SLC26A11: variants seen among roughly 807,000 people sequenced by gnomAD.
SLC26A11 encodes the protein solute carrier family 26 member 11.
In SLC26A11, 58 loss-of-function variants were observed where a neutral mutation model predicts 62.2. The ratio of observed to expected loss-of-function variants is 0.93; its 90% CI spans 0.76 to 1.16. The LOEUF (loss-of-function observed/expected upper bound fraction) is 1.16. Ranked by LOEUF, SLC26A11 falls within the 50% of genes most tolerant of loss-of-function variation. The pLI is 0.00. For synonymous variants in SLC26A11, 411 were observed against 368.9 expected, an observed-to-expected ratio of 1.11 and a Z score of -1.31; for missense variants, 790 against 794.3, an observed-to-expected ratio of 0.99 and a Z score of 0.06.
At chr17:80,230,168 C>G (rs1228117214) in intron 7 of SLC26A11, among the ~76,000 whole-genome samples, 1 of 148,522 alleles carries the variant, frequency 6.7e-6, no homozygotes. Context: ...GCACTCCAGC[C>G]TGGCAACAGA....
At position 80,246,425 on chromosome 17, in the gene SLC26A11, G is replaced by C. The variant is rs2042998454; in HGVS notation, c.1154-84G>C. ...CCTACCCCCACCCCTGTCCCCAGTG[G>C]GCTCTGCTGAACAAGAGGCTGCTAC... On this transcript the variant is annotated intron_variant, in intron 12 of 17. Transcript: ENST00000361193. The surrounding 1 kb of genome is among the most constrained non-coding windows in gnomAD (Gnocchi z 4.4). 4 of 1,570,918 alleles carry C rather than the reference G, an allele frequency of 2.5e-6. No homozygotes were observed. The highest frequency in any genetic ancestry group is 1.7e-5 in the Admixed American group (1 of 58,138).
chr17:80,251,491 A>C, intron 17 of SLC26A11, 90 bp downstream of exon 17: 1 of 1,527,280 alleles, frequency 6.5e-7, no homozygotes, highest in Non-Finnish European at 8.9e-7. Flanking sequence ...AGCTGGGCAC[A>C]GTGGCTCATG....
At position 80,223,174 on chromosome 17, in the gene SLC26A11, C is replaced by T; in HGVS notation, c.428-78C>T. On this transcript the variant is annotated intron_variant, in intron 4 of 17. Coordinates refer to ENST00000361193, the MANE Select transcript of SLC26A11 (RefSeq NM_001166347.2). The surrounding 1 kb of genome is among the most constrained non-coding windows in gnomAD (Gnocchi z 4.6). ...CCCCAATCCCACCCATTGCCACCTT[C>T]CCCAGCTCACATCTCCCCTCATCCT... 2 of 1,356,360 alleles carry T rather than the reference C, an allele frequency of 1.5e-6. No individual in the cohort carries two copies. Among genetic ancestry groups the T allele is most frequent in the South Asian group, 2.4e-5 (2 of 83,632 alleles). 84.0% of individuals were successfully genotyped at this position (1,356,360 alleles called of 1,614,324 possible).
At chr17:80,221,239 G>A (rs1024784356) in intron 2 of SLC26A11, 124 bp downstream of exon 2, 5 of 342,378 alleles carry the variant, frequency 1.5e-5, no homozygotes, top group Middle Eastern at 7.4e-4. Context: ...TTAGTCTTCA[G>A]ACTTCTCAAT....
chr17:80,237,224 C>T (rs2042720722), intron 8 of SLC26A11, 121 bp downstream of exon 8: 2 of 1,192,958 alleles, frequency 1.7e-6, no homozygotes, highest in African/African-American at 3.1e-5. Flanking sequence ...CAGCTGAGTC[C>T]TCAGGAACGG....
rs202012964 is a variant in SLC26A11, at chr17:80,241,789, G to T, written c.1004G>T (p.Arg335Leu). The change falls in exon 10 of 18, where the codon CGC (arginine) becomes CTC (leucine). Residue 335 changes from arginine to leucine, a missense_variant. Arg to Leu is a moderately radical substitution (Grantham distance 102). Transcript: ENST00000361193. ...AKAFASQNNY[R>L]IDANQELLAI... ...CCTTTAGCATCTCAGAATAATTACC[G>T]CATCGATGCCAACCAGGAGCTGCTG... The T allele has an allele frequency of 7.5e-5, 121 of 1,613,964 alleles. No individual in the cohort carries two copies. Among genetic ancestry groups the T allele is most frequent in the Non-Finnish European group, 9.7e-5 (115 of 1,180,020 alleles).
Position 80,223,465 on chromosome 17 carries a change from T to C in SLC26A11, c.513+128T>C. On this transcript the variant is annotated intron_variant, in intron 5 of 17. Transcript: ENST00000361193. The surrounding 1 kb of genome is among the most constrained non-coding windows in gnomAD (Gnocchi z 4.6). Reference sequence around the variant, plus strand: ...GGACGTCTTGCTGTTTCAGATTGTCTTCCATGGGTCAAGAAGCACGCGGTG... The same window carrying C: ...GGACGTCTTGCTGTTTCAGATTGTCCTCCATGGGTCAAGAAGCACGCGGTG... 1 of 865,742 alleles carries C rather than the reference T, an allele frequency of 1.2e-6. No homozygotes were observed. Among genetic ancestry groups the C allele is most frequent in the Non-Finnish European group, 1.9e-6 (1 of 538,814 alleles). The allele number at this position is 865,742 out of a possible 1,614,324, so 53.6% of individuals were successfully genotyped here.
chr17:80,236,239 C>T lies in SLC26A11; in HGVS notation c.737-689C>T, dbSNP rs148320838. On this transcript the variant is annotated intron_variant, in intron 7 of 17. Coordinates refer to ENST00000361193, the MANE Select transcript of SLC26A11 (RefSeq NM_001166347.2). ...TCATTTTCGCCCAGCTTTGCCTCGA[C>T]CAGTTCTCTGCTGCACATCCGAGGG... Among the ~76,000 whole-genome samples, 292 of 152,338 alleles carry T rather than the reference C, an allele frequency of 1.9e-3. 1 individual carries two copies. Among genetic ancestry groups the T allele is most frequent in the African/African-American group, 6.3e-3 (263 of 41,576 alleles).
At chr17:80,227,674 A>G in intron 6 of SLC26A11, 144 bp from the exon 7 acceptor site, 1 of 1,072,632 alleles carries the variant, frequency 9.3e-7, no homozygotes, top group Non-Finnish European at 1.3e-6. Context: ...TGTGATACTC[A>G]CTGTGGTCTG....
rs369390881 is a variant in SLC26A11 at position 80,242,039 on chromosome 17, C to T, written c.1036+218C>T. ...TTGCCCAGGCAGGAGTGCAGTGGCA[C>T]GATCTTGGCTCACTACAACCTCTGC... On this transcript the variant is annotated intron_variant, in intron 10 of 17. Transcript: ENST00000361193. Among the ~76,000 whole-genome samples the T allele has an allele frequency of 1.1e-4, 17 of 152,382 alleles. No homozygotes were observed. The East Asian group carries it at 1.2e-3, about 10-fold the overall frequency.
At chr17:80,237,276 A>C (rs1419779965) in intron 8 of SLC26A11, 173 bp downstream of exon 8, 2 of 875,836 alleles carry the variant, frequency 2.3e-6, no homozygotes, top group Admixed American at 2.9e-5. Flanking sequence ...ATGCAAACTC[A>C]GCGAGCTCAG....
At chr17:80,251,221 G>A (rs1326742455) in intron 16 of SLC26A11, 108 bp from the exon 17 acceptor site, 2 of 1,606,994 alleles carry the variant, frequency 1.2e-6, no homozygotes, top group Non-Finnish European at 8.5e-7. Context: ...GTATGGAGGT[G>A]AAGCCATACC....
At chr17:80,249,760 A>C (rs1414771996) in intron 16 of SLC26A11, among the ~76,000 whole-genome samples, 1 of 149,382 alleles carries the variant, frequency 6.7e-6, no homozygotes, top group African/African-American at 2.4e-5. Flanking sequence ...ACAAAAAAAA[A>C]CTAGTCAGGT....
intron 7 of SLC26A11, among the ~76,000 whole-genome samples, chr17:80,229,408 GCTTTGTTAT>G (rs896360611): frequency 7.2e-5 from 11 of 151,776 alleles, no homozygotes; most frequent in African/African-American, 2.2e-4. Flanking sequence ...TAGTGAAAAT[GCTTTGTTAT>G]CTTTGTTATC....
chr17:80,252,211 T>G lies in SLC26A11; in HGVS notation c.1730-414T>G, dbSNP rs530497889. ...GTCCCAGGCCCCAGTGCTAGGCCTCTTCCTCTTCCACTGAGGTCACAGCTG... is the reference window on the plus strand; with the variant it reads ...GTCCCAGGCCCCAGTGCTAGGCCTCGTCCTCTTCCACTGAGGTCACAGCTG... On this transcript the variant is annotated intron_variant, in intron 17 of 17. Coordinates refer to ENST00000361193, the MANE Select transcript of SLC26A11 (RefSeq NM_001166347.2). This position sits in a 1 kb window ranked among gnomAD's most constrained non-coding sequence, Gnocchi z 5.2. Among the ~76,000 whole-genome samples the G allele has an allele frequency of 1.3e-5, 2 of 152,266 alleles. No individual in the cohort carries two copies. The highest frequency in any genetic ancestry group is 4.8e-5 in the African/African-American group (2 of 41,562).
Position 80,227,878 on chromosome 17 carries a change from G to A in SLC26A11, c.654G>A (p.Met218Ile). The A allele has an allele frequency of 6.2e-7, 1 of 1,602,466 alleles. No individual in the cohort carries two copies. The highest frequency in any genetic ancestry group is 8.5e-7 in the Non-Finnish European group (1 of 1,179,850). ...CMLLLLVLKL[M>I]RDHVPPVHPE... The stretch of plus-strand genomic sequence containing the variant: ...TGCTGCTGCTGGTGCTGAAGCTGAT[G>A]CGGGACCACGTGCCTCCCGTCCACC... The change falls in exon 7 of 18, where the codon ATG becomes ATA. Residue 218 changes from methionine to isoleucine, a missense_variant. Transcript: ENST00000361193.
rs572314311 is a variant in SLC26A11, at chr17:80,249,927, A to C, written c.1656+640A>C. ...CTCAAAAACAAACAAACGAAAAAAA[A>C]CAGGTGCTCATAGAATTTCATGAAA... is the stretch of plus-strand genomic sequence containing the variant. On this transcript the variant is annotated intron_variant, in intron 16 of 17. Coordinates refer to ENST00000361193, the MANE Select transcript of SLC26A11 (RefSeq NM_001166347.2). Among the ~76,000 whole-genome samples, 4 of 152,224 alleles carry C rather than the reference A, an allele frequency of 2.6e-5. No homozygotes were observed. In the East Asian group the frequency reaches 7.7e-4, roughly 29 times the overall value.
At chr17:80,249,067 G>A (rs1431148700) in intron 15 of SLC26A11, 87 bp from the exon 16 acceptor site, 3 of 1,488,136 alleles carry the variant, frequency 2.0e-6, no homozygotes, top group Admixed American at 2.2e-5. Context: ...TCTGTCCCCT[G>A]CCCCTGGCCA....
chr17:80,251,255 A>C (rs879424255), intron 16 of SLC26A11, 74 bp from the exon 17 acceptor site: 4 of 1,613,074 alleles, frequency 2.5e-6, no homozygotes, highest in Non-Finnish European at 2.5e-6. Flanking sequence ...CTGAGATGGC[A>C]GGTCTACCAG....
Sources: allele counts gnomAD v4.1 joint callset (sites outside exome capture counted in the v4.1 genomes callset), GRCh38; gene constraint gnomAD v4.1.1; non-coding constraint Gnocchi (gnomAD v3.1); transcripts MANE v1.5; gene names NCBI Gene and HGNC (gene_info 2026-07-23, HGNC 2026-07-21).